Variants in RPA3 observed in about 807,000 individuals in gnomAD.
RPA3 encodes the protein replication protein A3.
A neutral mutation model predicts 13.7 loss-of-function variants in RPA3; 24 were observed. That is an observed-to-expected ratio of 1.75 (90% CI 1.27 to 2.46). The LOEUF (loss-of-function observed/expected upper bound fraction) is 2.46. RPA3 is among the 30% of genes most tolerant of loss of function. The pLI is 0.00. For synonymous variants in RPA3, 59 were observed against 51.2 expected (o/e 1.15, Z -0.65); for missense variants, 183 against 151.0 (o/e 1.21, Z -1.11).
rs549835157 is a variant in RPA3, at chr7:7,665,086, C to G, written c.-758+20744G>C. ...ATAGACAGTAGCTGCATCAATCACA[C>G]AGGAATTTTAGTCTATTTGATATAT... On this transcript the variant is annotated intron_variant, in intron 4 of 7. Transcript: ENST00000223129. Among the ~76,000 whole-genome samples the G allele has an allele frequency of 2.6e-5, 4 of 152,292 alleles. No individual in the cohort carries two copies. The East Asian group carries it at 7.7e-4, about 29-fold the overall frequency.
intron 2 of RPA3, among the ~76,000 whole-genome samples, chr7:7,698,584 G>C (rs1271509494): frequency 1.3e-5 from 2 of 151,934 alleles, no homozygotes; most frequent in African/African-American, 4.8e-5. Flanking sequence ...TCGTAGAACT[G>C]GAGATCCTGT....
chr7:7,681,700 A>G (rs1055046173), intron 4 of RPA3, among the ~76,000 whole-genome samples: 2 of 152,140 alleles, frequency 1.3e-5, no homozygotes, highest in African/African-American at 4.8e-5. Context: ...TCATAGCCTT[A>G]TACTACTATT....
intron 4 of RPA3, among the ~76,000 whole-genome samples, chr7:7,663,096 G>C (rs922600705): frequency 6.0e-5 from 9 of 151,192 alleles, no homozygotes; most frequent in African/African-American, 2.2e-4. Flanking sequence ...AGTTTATAAA[G>C]CATTAGTTAC....
At chr7:7,637,320 G>T (rs756064907) in intron 7 of RPA3, among the ~76,000 whole-genome samples, 1 of 152,042 alleles carries the variant, frequency 6.6e-6, no homozygotes, top group Non-Finnish European at 1.5e-5. Flanking sequence ...TGTTTTGGGT[G>T]TTATGCATTA....
chr7:7,709,329 G>A (rs2115167130), intron 2 of RPA3, among the ~76,000 whole-genome samples: 1 of 152,254 alleles, frequency 6.6e-6, no homozygotes, highest in African/African-American at 2.4e-5. Context: ...TCAATTGTGG[G>A]TCGTCATTAA....
rs372964085 is a variant in RPA3, at chr7:7,682,603, A to G, written c.-758+3227T>C. 2.4e-4 allele frequency among the ~76,000 whole-genome samples: 36 copies of G among 152,282 alleles called. No individual in the cohort carries two copies. The East Asian group carries it at 2.7e-3, about 11-fold the overall frequency. The stretch of plus-strand genomic sequence containing the variant: ...AAGGCTTTAATTAAAACAGTGACAA[A>G]AACTAAACAGGTTTTCAACATGTGC... On this transcript the variant is annotated intron_variant, in intron 4 of 7. Coordinates refer to ENST00000223129, the MANE Select transcript of RPA3 (RefSeq NM_002947.5).
intron 4 of RPA3, among the ~76,000 whole-genome samples, chr7:7,643,346 A>G (rs910914606): frequency 1.3e-5 from 2 of 152,234 alleles, no homozygotes; most frequent in Non-Finnish European, 2.9e-5. Context: ...CCCAAGGCTA[A>G]GGAGGGCTCT....
intron 4 of RPA3, among the ~76,000 whole-genome samples, chr7:7,646,074 C>G (rs933779836): frequency 6.6e-6 from 1 of 152,142 alleles, no homozygotes; most frequent in African/African-American, 2.4e-5. Context: ...ATGGCAGTGT[C>G]TAGGGGCGTT....
In RPA3 at chr7:7,685,026, A is replaced by G. The variant is rs28915969; in HGVS notation, c.-758+804T>C. On this transcript the variant is annotated intron_variant, in intron 4 of 7. Transcript: ENST00000223129. The stretch of plus-strand genomic sequence containing the variant: ...ACATTTTGTCAGATTTAACTCAAAA[A>G]TTATGATGAGTGGCTTTCATATTTA... Among the ~76,000 whole-genome samples the G allele has an allele frequency of 6.6e-4, 101 of 152,322 alleles. 1 individual carries two copies. The highest frequency in any genetic ancestry group is 2.3e-3 in the African/African-American group (96 of 41,566).
chr7:7,702,494 A>T (rs1482094657), intron 2 of RPA3, among the ~76,000 whole-genome samples: 2 of 152,218 alleles, frequency 1.3e-5, no homozygotes, highest in Non-Finnish European at 2.9e-5. Flanking sequence ...TAGCTTTTAT[A>T]TAAAATTCAG....
rs1316171167 is a variant in RPA3 at position 7,697,872 on chromosome 7, CTGTT to C, written c.-1027-10548_-1027-10545del. Among the ~76,000 whole-genome samples the C allele has an allele frequency of 3.9e-5, 6 of 152,154 alleles. No individual in the cohort carries two copies. The East Asian group carries it at 9.6e-4, about 24-fold the overall frequency. ...GTTTTTCAGTTGCTTAAATGACTCT[CTGTT>C]TGAGACCAGAAGTGTTTTCAGAGGA... On this transcript the variant is annotated intron_variant, in intron 2 of 7. Coordinates refer to ENST00000223129, the MANE Select transcript of RPA3 (RefSeq NM_002947.5).
intron 4 of RPA3, among the ~76,000 whole-genome samples, chr7:7,643,735 G>GAAAAAA (rs869238725): frequency 0.029 from 164 of 5,752 alleles, no homozygotes; most frequent in African/African-American, 0.1. Context: ...ACAAACAAAC[G>GAAAAAA]AAAAAAAAAG....
intron 2 of RPA3, among the ~76,000 whole-genome samples, chr7:7,701,556 T>A (rs1317204902): frequency 6.6e-6 from 1 of 152,228 alleles, no homozygotes; most frequent in African/African-American, 2.4e-5. Context: ...AGTATTTTTC[T>A]GAACCTTCCC....
chr7:7,681,818 A>G lies in RPA3; in HGVS notation c.-758+4012T>C, dbSNP rs928323859. Among the ~76,000 whole-genome samples the G allele has an allele frequency of 4.6e-5, 7 of 152,166 alleles. No homozygotes were observed. The East Asian group carries it at 1.3e-3, about 29-fold the overall frequency. On this transcript the variant is annotated intron_variant, in intron 4 of 7. Coordinates refer to ENST00000223129, the MANE Select transcript of RPA3 (RefSeq NM_002947.5). ...TTATCTTTAAGTTGATTACAAATTT[A>G]CTAGTGTAGTGGCAAGCTCATAGTT...
chr7:7,657,507 G>T (rs1398795317), intron 4 of RPA3, among the ~76,000 whole-genome samples: 1 of 152,120 alleles, frequency 6.6e-6, no homozygotes, highest in Non-Finnish European at 1.5e-5. Flanking sequence ...TAAGGGAGCA[G>T]TCCAGTTTCA....
intron 2 of RPA3, among the ~76,000 whole-genome samples, chr7:7,707,719 T>C (rs976770176): frequency 6.6e-6 from 1 of 152,354 alleles, no homozygotes; most frequent in Non-Finnish European, 1.5e-5. Context: ...AGTGTTAATA[T>C]ATAATGCTTT....
rs28916014 is a variant in RPA3, at chr7:7,667,632, A to G, written c.-758+18198T>C. ...AAGTATGAAGTAAGTGAAGGTCTTC[A>G]TAGATGTTGTGCAGGTAGTAAATGT... On this transcript the variant is annotated intron_variant, in intron 4 of 7. Transcript: ENST00000223129. Among the ~76,000 whole-genome samples the G allele has an allele frequency of 5.6e-4, 86 of 152,320 alleles. 2 individuals carry two copies. In the East Asian group the frequency reaches 0.016, roughly 28 times the overall value.
chr7:7,713,845 T>C (rs1311057956), intron 2 of RPA3, among the ~76,000 whole-genome samples: 3 of 152,176 alleles, frequency 2.0e-5, no homozygotes, highest in Admixed American at 2.0e-4. Context: ...AAAAATTTTT[T>C]CTAGAGGCAG....
chr7:7,646,298 T>C (rs1435048311), intron 4 of RPA3, among the ~76,000 whole-genome samples: 1 of 85,900 alleles, frequency 1.2e-5, no homozygotes, highest in African/African-American at 4.0e-5. Context: ...GGTGATACGG[T>C]TTGGCTGTGC....
Sources: allele counts gnomAD v4.1 joint callset (sites outside exome capture counted in the v4.1 genomes callset), GRCh38; gene constraint gnomAD v4.1.1; transcripts MANE v1.5; gene names NCBI Gene and HGNC (gene_info 2026-07-23, HGNC 2026-07-21).